Variants in FBXO46 observed in about 807,000 individuals in gnomAD.
FBXO46 encodes the protein F-box only protein 46.
FBXO46 carries 13 observed loss-of-function variants against 30.7 expected under a neutral mutation model. The ratio of observed to expected loss-of-function variants is 0.42; its 90% CI spans 0.28 to 0.67. FBXO46 has a LOEUF of 0.67. Ranked by LOEUF, FBXO46 falls within the 30% of genes least tolerant of loss-of-function variation. FBXO46 has a pLI of 0.21. For synonymous variants in FBXO46, 467 were observed against 385.8 expected, an observed-to-expected ratio of 1.21 and a Z score of -2.47; for missense variants, 754 against 871.5, an observed-to-expected ratio of 0.87 and a Z score of 1.70.
intron 1 of FBXO46, among the ~76,000 whole-genome samples, chr19:45,728,261 C>T (rs1968264595): frequency 6.6e-6 from 1 of 152,168 alleles, no homozygotes; most frequent in Admixed American, 6.5e-5. Flanking sequence ...CTCCAGAAGT[C>T]GTAATTGGAT....
In FBXO46 at chr19:45,713,666, C is replaced by A; in HGVS notation, c.-78-93G>T. On this transcript the variant is annotated intron_variant, in intron 1 of 1. Coordinates refer to ENST00000317683, the MANE Select transcript of FBXO46 (RefSeq NM_001080469.2). This position sits in a 1 kb window ranked among gnomAD's most constrained non-coding sequence, Gnocchi z 4.7. Reference sequence around the variant, plus strand: ...CCACCTCTCCTTAGACCAAACCAGACCATCAAGAACTCTATTCCTGGCTGG... The same window carrying A: ...CCACCTCTCCTTAGACCAAACCAGAACATCAAGAACTCTATTCCTGGCTGG... 1.8e-6 allele frequency: 1 copy of A among 559,998 alleles called. No individual in the cohort carries two copies. Among genetic ancestry groups the A allele is most frequent in the East Asian group, 3.0e-5 (1 of 33,172 alleles). 34.7% of individuals were successfully genotyped at this position (559,998 alleles called of 1,614,324 possible).
Position 45,711,753 on chromosome 19 carries a change from G to A in FBXO46, c.1743C>T (p.His581=). ...TGCAGGGCAGCACCCAGTTGTTATC[G>A]TGGAGGCCCAGGCGGCAGCCGGGAG... ...RETPGCRLGL[H]DNNWVLPCNG... Residue 581 remains histidine, a synonymous_variant, in exon 2 of 2, where the codon CAC becomes CAT. Transcript: ENST00000317683. The A allele has an allele frequency of 2.5e-6, 4 of 1,577,394 alleles. No individual in the cohort carries two copies. Among genetic ancestry groups the A allele is most frequent in the Non-Finnish European group, 3.4e-6 (4 of 1,166,180 alleles).
At chr19:45,727,185 G>C (rs1251229171) in intron 1 of FBXO46, among the ~76,000 whole-genome samples, 1 of 151,934 alleles carries the variant, frequency 6.6e-6, no homozygotes, top group Non-Finnish European at 1.5e-5. Context: ...GGAGGTGGAA[G>C]TTGCAGTGAG....
At chr19:45,724,039 G>T (rs1415760385) in intron 1 of FBXO46, among the ~76,000 whole-genome samples, 1 of 152,112 alleles carries the variant, frequency 6.6e-6, no homozygotes, top group Non-Finnish European at 1.5e-5. Flanking sequence ...TTGAAATAAA[G>T]ATGGTAAAAA....
intron 1 of FBXO46, among the ~76,000 whole-genome samples, chr19:45,725,481 T>C (rs1260485523): frequency 6.6e-6 from 1 of 152,088 alleles, no homozygotes; most frequent in Non-Finnish European, 1.5e-5. Flanking sequence ...GGCTCACACC[T>C]GTAATCCCAG....
At chr19:45,728,659 G>A (rs1429565744) in intron 1 of FBXO46, among the ~76,000 whole-genome samples, 1 of 151,790 alleles carries the variant, frequency 6.6e-6, no homozygotes, top group African/African-American at 2.4e-5. Flanking sequence ...AACAAAGTAA[G>A]ACCCGCGTCT....
chr19:45,728,525 A>G (rs1338167379), intron 1 of FBXO46, among the ~76,000 whole-genome samples: 1 of 152,170 alleles, frequency 6.6e-6, no homozygotes, highest in Non-Finnish European at 1.5e-5. Flanking sequence ...TATAGGTGAG[A>G]AGAACCCAAA....
intron 1 of FBXO46, among the ~76,000 whole-genome samples, chr19:45,725,141 C>T (rs1311186215): frequency 6.6e-6 from 1 of 151,536 alleles, no homozygotes; most frequent in Non-Finnish European, 1.5e-5. Context: ...AATAAATAGG[C>T]TGCGGTGGCT....
At chr19:45,720,055 A>G (rs902443213) in intron 1 of FBXO46, among the ~76,000 whole-genome samples, 2 of 151,784 alleles carry the variant, frequency 1.3e-5, no homozygotes, top group Admixed American at 1.3e-4. Context: ...CCCAGGCTGG[A>G]GTGCAATCTC....
intron 1 of FBXO46, among the ~76,000 whole-genome samples, chr19:45,725,984 G>A (rs973452997): frequency 8.6e-5 from 13 of 151,988 alleles, no homozygotes; most frequent in Admixed American, 3.3e-4. Context: ...TGATCCTCCC[G>A]CCTCAACCTC....
Position 45,712,262 on chromosome 19 carries a change from G to A in FBXO46, c.1234C>T (p.Gln412Ter), listed in dbSNP as rs1479773343. The part of the protein sequence containing the change: ...PPPPGQLFFL[Q>*]NRGPDGPPEP... ...GGGGGCCCGTCCGGCCCGCGGTTCT[G>A]GAGAAAGAAGAGCTGGCCCGGAGGC... Residue 412 changes from glutamine to a stop codon, truncating the protein, a stop_gained, in exon 2 of 2, where the codon CAG (glutamine) becomes TAG (stop). Transcript: ENST00000317683. LOFTEE classifies it high-confidence loss of function. The surrounding 1 kb of genome is among the most constrained non-coding windows in gnomAD (Gnocchi z 8.8). 6.2e-7 allele frequency: 1 copy of A among 1,604,960 alleles called. No individual in the cohort carries two copies.
At chr19:45,724,706 T>G (rs1163746107) in intron 1 of FBXO46, among the ~76,000 whole-genome samples, 2 of 152,056 alleles carry the variant, frequency 1.3e-5, no homozygotes, top group African/African-American at 4.8e-5. Context: ...CAGGCTGGAG[T>G]GCAGTGGTGC....
Position 45,710,649 on chromosome 19 carries a change from G to A in FBXO46, c.*1035C>T, listed in dbSNP as rs1967939920. 6.6e-6 allele frequency: 1 copy of A among 152,028 alleles called. No individual in the cohort carries two copies. The highest frequency in any genetic ancestry group is 2.1e-4 in the South Asian group (1 of 4,828). 9.4% of individuals were successfully genotyped at this position (152,028 alleles called of 1,614,324 possible). A position where few individuals can be genotyped will look rare whatever the true frequency, so the allele number is the denominator to read the frequency against. On this transcript the variant is annotated 3_prime_UTR_variant, in exon 2 of 2. Coordinates refer to ENST00000317683, the MANE Select transcript of FBXO46 (RefSeq NM_001080469.2). ...CAGCCTTATAAATATTGATTTTATA[G>A]AAAGGACCAATTCAAAATTGGTCAG...
chr19:45,727,459 G>A (rs1476035436), intron 1 of FBXO46, among the ~76,000 whole-genome samples: 1 of 151,756 alleles, frequency 6.6e-6, no homozygotes, highest in Non-Finnish European at 1.5e-5. Context: ...GCAGGAGGCT[G>A]AGGCAGAAGA....
At chr19:45,717,096 A>G (rs1968101628) in intron 1 of FBXO46, 1 of 152,230 alleles carries the variant, frequency 6.6e-6, no homozygotes, top group Non-Finnish European at 1.5e-5. Flanking sequence ...CTTAAGCGCG[A>G]GAGAACCCCA....
Position 45,712,264 on chromosome 19 carries a change from AG to A in FBXO46, c.1231del (p.Leu411SerfsTer47). ...EPPPPGQLFF[L>X]QNRGPDGPPE... is the part of the protein sequence containing the mutation. ...GGGCCCGTCCGGCCCGCGGTTCTGG[AG>A]AAAGAAGAGCTGGCCCGGAGGCGGC... On this transcript the variant is annotated frameshift_variant, in exon 2 of 2. Coordinates refer to ENST00000317683, the MANE Select transcript of FBXO46 (RefSeq NM_001080469.2). LOFTEE classifies it high-confidence loss of function. This position sits in a 1 kb window ranked among gnomAD's most constrained non-coding sequence, Gnocchi z 8.8. 1 of 1,604,666 alleles carries A rather than the reference AG, an allele frequency of 6.2e-7. No homozygotes were observed. Among genetic ancestry groups the A allele is most frequent in the Non-Finnish European group, 8.5e-7 (1 of 1,179,328 alleles).
chr19:45,719,851 C>A (rs745968449), intron 1 of FBXO46, among the ~76,000 whole-genome samples: 16 of 152,168 alleles, frequency 1.1e-4, no homozygotes, highest in Non-Finnish European at 2.4e-4. Context: ...CAACAGCAGT[C>A]AATACTCGAG....
chr19:45,732,358 A>G (rs936936112), upstream of FBXO46, among the ~76,000 whole-genome samples: 32 of 151,770 alleles, frequency 2.1e-4, no homozygotes, highest in Admixed American at 1.6e-3. Context: ...TTGAACTGAA[A>G]TGTATTGGAT....
intron 1 of FBXO46, among the ~76,000 whole-genome samples, chr19:45,723,107 C>T (rs1217053254): frequency 6.6e-6 from 1 of 151,872 alleles, no homozygotes; most frequent in African/African-American, 2.4e-5. Flanking sequence ...TGGGTGGTGA[C>T]TCATGCCTTA....
Sources: allele counts gnomAD v4.1 joint callset (sites outside exome capture counted in the v4.1 genomes callset), GRCh38; gene constraint gnomAD v4.1.1; non-coding constraint Gnocchi (gnomAD v3.1); transcripts MANE v1.5; gene names NCBI Gene and HGNC (gene_info 2026-07-23, HGNC 2026-07-21).